Variants in ZNF445 observed in about 807,000 individuals in gnomAD.
ZNF445 encodes zinc finger protein 445, also known as zinc finger protein 168.
In ZNF445, 19 loss-of-function variants were observed where a neutral mutation model predicts 93.9. That is an observed-to-expected ratio of 0.20 (90% CI 0.14 to 0.30). The LOEUF (loss-of-function observed/expected upper bound fraction) is 0.30, where lower values mean the gene tolerates loss of function less well. ZNF445 is among the 10% of genes least tolerant of loss of function. The pLI, the probability that ZNF445 is intolerant of heterozygous loss-of-function variation, is 1.00. For missense variants in ZNF445, 1,058 were observed against 1,259.4 expected (o/e 0.84, Z 2.42); for synonymous variants, 449 against 446.3 (o/e 1.01, Z -0.08).
intron 1 of ZNF445, among the ~76,000 whole-genome samples, chr3:44,462,850 A>G (rs1698135952): frequency 6.6e-6 from 1 of 152,176 alleles, no homozygotes; most frequent in Admixed American, 6.5e-5. Flanking sequence ...GTAATAAAAA[A>G]ATTTTGAAGA....
chr3:44,463,282 T>C (rs1415897771), intron 1 of ZNF445, among the ~76,000 whole-genome samples: 2 of 152,128 alleles, frequency 1.3e-5, no homozygotes, highest in African/African-American at 4.8e-5. Context: ...GTGATCTGCC[T>C]GACTCAGCCT....
At chr3:44,468,115 C>T (rs191951641) in intron 1 of ZNF445, among the ~76,000 whole-genome samples, 1 of 152,352 alleles carries the variant, frequency 6.6e-6, no homozygotes, top group Admixed American at 6.5e-5. Flanking sequence ...AGTTGCAAAG[C>T]AGTTCCACTC....
In ZNF445 at chr3:44,448,262, G is replaced by A; in HGVS notation, c.1409C>T (p.Ser470Phe). 1.2e-6 allele frequency: 2 copies of A among 1,614,180 alleles called. No homozygotes were observed. The highest frequency in any genetic ancestry group is 2.2e-5 in the East Asian group (1 of 44,882). Residue 470 changes from serine to phenylalanine, a missense_variant, in exon 8 of 8, where the codon TCT (serine) becomes TTT (phenylalanine). This residue lies in a region of ZNF445 where 657 missense variants were observed against 746.4 expected (regional missense o/e 0.88). Transcript: ENST00000396077. ...AAGACTCTGCCCACGTTGGTGATGA[G>A]AGCTAAGGCTGAAGTCTTTTCCACA... ...DVCGKDFSLS[S>F]HHQRGQSLHT...
chr3:44,475,168 T>C (rs1668610363), intron 1 of ZNF445, among the ~76,000 whole-genome samples: 1 of 152,044 alleles, frequency 6.6e-6, no homozygotes, highest in African/African-American at 2.4e-5. Context: ...ATCATTTTTA[T>C]CTGATTTATT....
rs1489259489 is a variant in ZNF445 at position 44,434,861 on chromosome 3, G to T, written c.*11714C>A. Reference sequence around the variant, plus strand: ...TATTTTTTCCCCCATGAAGCTGAAGGCCACGATAGCTGAAGGCTATGCTAT... The same window carrying T: ...TATTTTTTCCCCCATGAAGCTGAAGTCCACGATAGCTGAAGGCTATGCTAT... On this transcript the variant is annotated 3_prime_UTR_variant, in exon 8 of 8. Transcript: ENST00000396077. 6.6e-6 allele frequency: 1 copy of T among 152,178 alleles called. No homozygotes were observed. The highest frequency in any genetic ancestry group is 2.4e-5 in the African/African-American group (1 of 41,414). The allele number at this position is 152,178 out of a possible 1,614,324, so 9.4% of individuals were successfully genotyped here.
chr3:44,465,004 T>C (rs982207482), intron 1 of ZNF445, among the ~76,000 whole-genome samples: 1 of 148,208 alleles, frequency 6.7e-6, no homozygotes, highest in Non-Finnish European at 1.5e-5. Context: ...CAGGCGGAGG[T>C]TGCAGTGAGC....
At chr3:44,459,391 C>G (rs527354768) in intron 1 of ZNF445, among the ~76,000 whole-genome samples, 10 of 152,132 alleles carry the variant, frequency 6.6e-5, no homozygotes, top group Admixed American at 2.0e-4. Context: ...CATAATAGAC[C>G]TGAATAAATC....
In ZNF445 at chr3:44,465,065, TAAAAA is replaced by T. The variant is rs34412481; in HGVS notation, c.-268-6706_-268-6702del. ...CTGGGCGACAGAGTGAGACTCCGCC[TAAAAA>T]AAAAAAAAAAAAAAAAAATCGCTTA... On this transcript the variant is annotated intron_variant, in intron 1 of 7. Transcript: ENST00000396077. Among the ~76,000 whole-genome samples, 10 of 113,378 alleles carry T rather than the reference TAAAAA, an allele frequency of 8.8e-5. No homozygotes were observed. In the South Asian group the frequency reaches 1.2e-3, roughly 14 times the overall value. 74.4% of individuals were successfully genotyped at this position (113,378 alleles called of 152,430 possible).
intron 7 of ZNF445, 134 bp downstream of exon 7, chr3:44,449,379 G>T: frequency 1.4e-6 from 1 of 723,982 alleles, no homozygotes; most frequent in Non-Finnish European, 2.3e-6. Context: ...AGTGGCCCAA[G>T]CACCCTTACC....
At chr3:44,457,830 A>ATCC (rs1294117548) in intron 2 of ZNF445, among the ~76,000 whole-genome samples, 1 of 151,720 alleles carries the variant, frequency 6.6e-6, no homozygotes, top group Non-Finnish European at 1.5e-5. Context: ...GTGAAACGCC[A>ATCC]TCTCTACTAA....
intron 1 of ZNF445, among the ~76,000 whole-genome samples, chr3:44,461,805 G>A (rs891073897): frequency 6.6e-6 from 1 of 152,170 alleles, no homozygotes; most frequent in African/African-American, 2.4e-5. Context: ...GGCAAATTAA[G>A]AATATTGCCT....
intron 1 of ZNF445, among the ~76,000 whole-genome samples, chr3:44,469,138 C>T (rs548297316): frequency 2.4e-4 from 36 of 151,820 alleles, no homozygotes; most frequent in Non-Finnish European, 4.4e-4. Context: ...CTTTACTGTA[C>T]ACCAGGTGAT....
In ZNF445 at chr3:44,435,936, ATTAT is replaced by A. The variant is rs895808069; in HGVS notation, c.*10635_*10638del. ...AGGCTGGTTATCCCAGAAAAGTCTA[ATTAT>A]TTGCCCTTCCCAATGCACAATCACT... is the stretch of plus-strand genomic sequence containing the variant. On this transcript the variant is annotated 3_prime_UTR_variant, in exon 8 of 8. Coordinates refer to ENST00000396077, the MANE Select transcript of ZNF445 (RefSeq NM_181489.6). 3 of 152,208 alleles carry A rather than the reference ATTAT, an allele frequency of 2.0e-5. No homozygotes were observed. The highest frequency in any genetic ancestry group is 7.2e-5 in the African/African-American group (3 of 41,436). The allele number at this position is 152,208 out of a possible 1,614,324, so 9.4% of individuals were successfully genotyped here.
intron 1 of ZNF445, 23 bp downstream of exon 1, chr3:44,477,568 C>A: frequency 6.5e-6 from 1 of 152,686 alleles, no homozygotes; most frequent in South Asian, 1.8e-4. Context: ...ACCCCCACCC[C>A]CGCGCCCCGC....
chr3:44,434,985 T>C lies in ZNF445; in HGVS notation c.*11590A>G, dbSNP rs1697647135. Reference sequence around the variant, plus strand: ...TTTCAGGAACTTGGGGCAGATCCTGTCCAGTTCAAACCAGTTGAGACTGCC... The same window carrying C: ...TTTCAGGAACTTGGGGCAGATCCTGCCCAGTTCAAACCAGTTGAGACTGCC... On this transcript the variant is annotated 3_prime_UTR_variant, in exon 8 of 8. Transcript: ENST00000396077. The C allele has an allele frequency of 6.6e-6, 1 of 152,278 alleles. No homozygotes were observed. The highest frequency in any genetic ancestry group is 6.5e-5 in the Admixed American group (1 of 15,296). 9.4% of individuals were successfully genotyped at this position (152,278 alleles called of 1,614,324 possible).
chr3:44,463,786 T>C lies in ZNF445; in HGVS notation c.-268-5422A>G, dbSNP rs9858371. Among the ~76,000 whole-genome samples, 1,197 of 152,010 alleles carry C rather than the reference T, an allele frequency of 7.9e-3. 14 individuals are homozygous for C. The highest frequency in any genetic ancestry group is 0.028 in the African/African-American group (1,152 of 41,458). On this transcript the variant is annotated intron_variant, in intron 1 of 7. Coordinates refer to ENST00000396077, the MANE Select transcript of ZNF445 (RefSeq NM_181489.6). The stretch of plus-strand genomic sequence containing the variant: ...CACAAGAGATGGGCTGATTACAAAA[T>C]GGGATAATTGGGTTTGGGTTGCCTT...
At chr3:44,469,589 C>T (rs961979480) in intron 1 of ZNF445, among the ~76,000 whole-genome samples, 9 of 151,784 alleles carry the variant, frequency 5.9e-5, no homozygotes, top group East Asian at 2.0e-4. Flanking sequence ...GCAAACATGG[C>T]GAAACCCCAT....
intron 3 of ZNF445, among the ~76,000 whole-genome samples, chr3:44,453,055 A>C (rs1575310482): frequency 6.6e-6 from 1 of 151,764 alleles, no homozygotes; most frequent in African/African-American, 2.4e-5. Context: ...CTGAGACTAC[A>C]GGCGAACACC....
In ZNF445 at chr3:44,446,436, A is replaced by G. The variant is rs146453952; in HGVS notation, c.*139T>C. ...AGGCTGGGGACTCCCCGAGCTTTCA[A>G]ATCCTTGGGATTCTGTCACTAGCTT... On this transcript the variant is annotated 3_prime_UTR_variant, in exon 8 of 8. Transcript: ENST00000396077. The surrounding 1 kb of genome is among the most constrained non-coding windows in gnomAD (Gnocchi z 4.2). 5 of 1,336,032 alleles carry G rather than the reference A, an allele frequency of 3.7e-6. No individual in the cohort carries two copies. Among genetic ancestry groups the G allele is most frequent in the Non-Finnish European group, 5.1e-6 (5 of 982,982 alleles). 82.8% of individuals were successfully genotyped at this position (1,336,032 alleles called of 1,614,324 possible). A position where few individuals can be genotyped will look rare whatever the true frequency, so the allele number is the denominator to read the frequency against.
Sources: gnomAD v4.1 joint callset for allele counts (sites outside exome capture counted in the v4.1 genomes callset) on GRCh38, gnomAD v4.1.1 for gene constraint, gnomAD v4.1.1 regional missense constraint, Gnocchi (gnomAD v3.1) non-coding constraint, MANE v1.5 for transcripts, NCBI Gene and HGNC (gene_info 2026-07-23, HGNC 2026-07-21) for gene names.